TENM2: variants seen among roughly 807,000 people sequenced by gnomAD.
TENM2 encodes teneurin-2.
A neutral mutation model predicts 245.2 loss-of-function variants in TENM2; 52 were observed. The observed-to-expected ratio is 0.21, with a 90% CI of 0.17 to 0.27. The LOEUF (loss-of-function observed/expected upper bound fraction) is 0.27. Ranked by LOEUF, TENM2 falls within the 10% of genes least tolerant of loss-of-function variation. The pLI, the probability that TENM2 is intolerant of heterozygous loss-of-function variation, is 1.00. For missense variants in TENM2, 3,046 were observed against 3,666.8 expected, an observed-to-expected ratio of 0.83 and a Z score of 4.37; for synonymous variants, 1,363 against 1,438.9, an observed-to-expected ratio of 0.95 and a Z score of 1.19.
the TENM2 span, among the ~76,000 whole-genome samples, chr5:167,035,276 G>A: frequency 6.6e-6 from 1 of 152,074 alleles, no homozygotes; most frequent in African/African-American, 2.4e-5. Context: ...AACTTCATAT[G>A]AATTTTCATG....
intron 4 of TENM2, among the ~76,000 whole-genome samples, chr5:167,955,310 G>T (rs887231982): frequency 3.3e-5 from 5 of 151,760 alleles, no homozygotes; most frequent in Non-Finnish European, 7.4e-5. Context: ...TTTTTGATGG[G>T]GTTGTTTGTT....
intron 2 of TENM2, among the ~76,000 whole-genome samples, chr5:167,607,408 A>G (rs1777133681): frequency 6.6e-6 from 1 of 152,170 alleles, no homozygotes; most frequent in South Asian, 2.1e-4. Context: ...TAGCTAATAT[A>G]AACAAAACAA....
In TENM2 at chr5:168,111,893, T is replaced by G. The variant is rs10036663; in HGVS notation, c.1814-6399T>G. On this transcript the variant is annotated intron_variant, in intron 9 of 28. Transcript: ENST00000518659. ...TACCTTTATTGGCAACTTATATTAT[T>G]TCTGATATGTGCTTTGCCTAGGTTT... Among the ~76,000 whole-genome samples the G allele has an allele frequency of 5.6e-3, 860 of 152,336 alleles. 9 individuals carry two copies. The highest frequency in any genetic ancestry group is 0.02 in the African/African-American group (817 of 41,578).
intron 3 of TENM2, among the ~76,000 whole-genome samples, chr5:167,928,001 T>C (rs189384543): frequency 4.6e-5 from 7 of 152,318 alleles, no homozygotes; most frequent in Non-Finnish European, 8.8e-5. Context: ...TCACCAGCAT[T>C]ATCCCAGTTA....
intron 2 of TENM2, among the ~76,000 whole-genome samples, chr5:167,540,309 C>T (rs1482238446): frequency 6.6e-6 from 1 of 152,088 alleles, no homozygotes; most frequent in Non-Finnish European, 1.5e-5. Flanking sequence ...AGGGAATTAC[C>T]ATAGGGGATC....
At chr5:167,932,961 C>T (rs1326312688) in intron 3 of TENM2, among the ~76,000 whole-genome samples, 1 of 152,162 alleles carries the variant, frequency 6.6e-6, no homozygotes, top group Non-Finnish European at 1.5e-5. Context: ...GGGTTCACAT[C>T]TTTGCAGCCC....
intron 2 of TENM2, among the ~76,000 whole-genome samples, chr5:167,750,061 G>A (rs1378606682): frequency 1.3e-5 from 2 of 152,076 alleles, no homozygotes; most frequent in Non-Finnish European, 1.5e-5. Context: ...GGCATACCGG[G>A]GTGAACTGCA....
chr5:167,265,331 CAAAAAAAA>C, the TENM2 span, among the ~76,000 whole-genome samples: 851 of 39,384 alleles, frequency 0.022, 8 homozygotes, highest in African/African-American at 0.059. Flanking sequence ...GACTCTGTCT[CAAAAAAAA>C]AAAAAAAAAA....
intron 1 of TENM2, among the ~76,000 whole-genome samples, chr5:167,369,215 C>A (rs982236913): frequency 6.6e-6 from 1 of 152,134 alleles, no homozygotes; most frequent in Non-Finnish European, 1.5e-5. Flanking sequence ...TCTACCTTGT[C>A]CTGTCCCATT....
chr5:167,982,162 A>T (rs1276934476), intron 4 of TENM2, among the ~76,000 whole-genome samples: 1 of 151,930 alleles, frequency 6.6e-6, no homozygotes, highest in Non-Finnish European at 1.5e-5. Flanking sequence ...GCTGCCTGGG[A>T]TGCTCTTTTT....
At chr5:167,231,251 G>A in the TENM2 span, among the ~76,000 whole-genome samples, 1 of 152,210 alleles carries the variant, frequency 6.6e-6, no homozygotes, top group Non-Finnish European at 1.5e-5. Context: ...AGCGACTTTG[G>A]AACTCAGTAA....
intron 2 of TENM2, among the ~76,000 whole-genome samples, chr5:167,856,732 G>T (rs1361574120): frequency 1.3e-5 from 2 of 152,120 alleles, no homozygotes; most frequent in Non-Finnish European, 2.9e-5. Flanking sequence ...AAATTATGGG[G>T]ATTTAGGACT....
chr5:167,746,769 TGGAAA>T (rs1761616466), intron 2 of TENM2, among the ~76,000 whole-genome samples: 1 of 150,218 alleles, frequency 6.7e-6, no homozygotes, highest in South Asian at 2.1e-4. Context: ...GGAAACATTT[TGGAAA>T]TGTTATTATT....
intron 2 of TENM2, chr5:167,754,795 C>T (rs930225576): frequency 3.6e-5 from 12 of 333,988 alleles, no homozygotes; most frequent in Admixed American, 2.3e-4. Flanking sequence ...AGAGACATTA[C>T]ATGGGCAGGA....
intron 2 of TENM2, among the ~76,000 whole-genome samples, chr5:167,509,434 C>A (rs80259714): frequency 6.6e-6 from 1 of 152,124 alleles, no homozygotes; most frequent in Non-Finnish European, 1.5e-5. Flanking sequence ...TGAAAAGTTG[C>A]GTTTGCTCTA....
chr5:167,894,479 T>G (rs1775014750), intron 3 of TENM2, among the ~76,000 whole-genome samples: 1 of 152,204 alleles, frequency 6.6e-6, no homozygotes, highest in Non-Finnish European at 1.5e-5. Flanking sequence ...TAGACTTCTT[T>G]GCATTCTTTG....
At chr5:167,952,443 C>T (rs2151840863) in intron 3 of TENM2, 145 bp from the exon 6 acceptor site, 1 of 651,540 alleles carries the variant, frequency 1.5e-6, no homozygotes, top group Non-Finnish European at 2.7e-6. Context: ...GGATGCCTGC[C>T]GCAGTCTTAT....
At chr5:167,664,366 C>CT (rs933455656) in intron 2 of TENM2, among the ~76,000 whole-genome samples, 1 of 152,130 alleles carries the variant, frequency 6.6e-6, no homozygotes, top group Non-Finnish European at 1.5e-5. Context: ...ACTGTCAAAA[C>CT]TTTTTTCAGT....
At chr5:167,994,142 C>T (rs1219143312) in intron 5 of TENM2, among the ~76,000 whole-genome samples, 1 of 152,248 alleles carries the variant, frequency 6.6e-6, no homozygotes, top group Non-Finnish European at 1.5e-5. Flanking sequence ...TTATTTGAAA[C>T]ACTTGATGCT....
Sources: allele counts gnomAD v4.1 joint callset (sites outside exome capture counted in the v4.1 genomes callset), GRCh38; gene constraint gnomAD v4.1.1; transcripts MANE v1.5; gene names NCBI Gene and HGNC (gene_info 2026-07-23, HGNC 2026-07-21).